ADCY8: variants seen among roughly 807,000 people sequenced by gnomAD.
ADCY8 encodes adenylate cyclase 8, also known as adenylate cyclase type 8.
ADCY8 carries 51 observed loss-of-function variants against 119.7 expected under a neutral mutation model. The observed-to-expected ratio is 0.43, with a 90% confidence interval of 0.34 to 0.54. The LOEUF (loss-of-function observed/expected upper bound fraction) is 0.54. ADCY8 is among the 20% of genes least tolerant of loss of function. The pLI, the probability that ADCY8 is intolerant of heterozygous loss-of-function variation, is 0.03. For synonymous variants in ADCY8, 665 were observed against 651.0 expected (o/e 1.02, Z -0.33); for missense variants, 1,383 against 1,598.8 (o/e 0.87, Z 2.30).
chr8:130,974,693 A>G (rs1822019152), intron 2 of ADCY8, among the ~76,000 whole-genome samples: 1 of 152,208 alleles, frequency 6.6e-6, no homozygotes, highest in Non-Finnish European at 1.5e-5. Context: ...GTGAGGCTGG[A>G]AAGCTAATGA....
At chr8:130,859,526 G>A (rs909398001) in intron 9 of ADCY8, among the ~76,000 whole-genome samples, 1 of 152,156 alleles carries the variant, frequency 6.6e-6, no homozygotes, top group Non-Finnish European at 1.5e-5. Context: ...CATTTTCAAA[G>A]CTACTTAGTA....
At chr8:130,869,450 C>A (rs1167254142) in intron 8 of ADCY8, among the ~76,000 whole-genome samples, 2 of 150,250 alleles carry the variant, frequency 1.3e-5, no homozygotes, top group African/African-American at 2.4e-5. Flanking sequence ...TTCTAACAAC[C>A]AATTACAGAG....
intron 2 of ADCY8, among the ~76,000 whole-genome samples, chr8:130,954,635 C>T (rs1303397286): frequency 6.6e-6 from 1 of 152,200 alleles, no homozygotes; most frequent in East Asian, 1.9e-4. Context: ...TTATACTCAA[C>T]CTTTACTATA....
intron 7 of ADCY8, among the ~76,000 whole-genome samples, chr8:130,902,550 T>C (rs1007568902): frequency 3.9e-5 from 6 of 152,064 alleles, no homozygotes; most frequent in African/African-American, 9.7e-5. Flanking sequence ...TCATAGTTTT[T>C]CCCCCACAGA....
intron 12 of ADCY8, among the ~76,000 whole-genome samples, chr8:130,826,293 A>G (rs1586454125): frequency 6.6e-6 from 1 of 152,202 alleles, no homozygotes; most frequent in East Asian, 1.9e-4. Context: ...TTGTATATAT[A>G]TGAGAGAAAA....
At chr8:131,012,406 A>C (rs4736732) in intron 1 of ADCY8, among the ~76,000 whole-genome samples, 1 of 151,386 alleles carries the variant, frequency 6.6e-6, no homozygotes, top group African/African-American at 2.4e-5. Context: ...AACTGCAGCA[A>C]AAGGGACTGT....
intron 2 of ADCY8, among the ~76,000 whole-genome samples, chr8:130,980,120 C>T (rs1203975227): frequency 2.0e-5 from 3 of 152,124 alleles, no homozygotes; most frequent in African/African-American, 7.2e-5. Flanking sequence ...GCTCCAACCT[C>T]TGCCTCTGTC....
At chr8:131,020,277 G>A (rs1314322224) in intron 1 of ADCY8, among the ~76,000 whole-genome samples, 1 of 152,150 alleles carries the variant, frequency 6.6e-6, no homozygotes, top group East Asian at 1.9e-4. Context: ...ATTAGAAGGG[G>A]GCAAAAGTGG....
intron 5 of ADCY8, among the ~76,000 whole-genome samples, chr8:130,927,163 A>C (rs1820495875): frequency 6.6e-6 from 1 of 152,144 alleles, no homozygotes; most frequent in Non-Finnish European, 1.5e-5. Context: ...GTTTCTGAAG[A>C]ACTGCCACTG....
chr8:131,035,426 A>G (rs1048923901), intron 1 of ADCY8, among the ~76,000 whole-genome samples: 2 of 152,178 alleles, frequency 1.3e-5, no homozygotes, highest in Non-Finnish European at 2.9e-5. Flanking sequence ...CAATGTTTGT[A>G]GTGTGTTAAT....
At chr8:130,938,215 T>G (rs532429954) in intron 4 of ADCY8, among the ~76,000 whole-genome samples, 2 of 152,110 alleles carry the variant, frequency 1.3e-5, no homozygotes, top group Non-Finnish European at 2.9e-5. Flanking sequence ...GCCTCATCTA[T>G]CAAATGGGGA....
chr8:131,017,364 C>T (rs772255856), intron 1 of ADCY8, among the ~76,000 whole-genome samples: 2 of 152,152 alleles, frequency 1.3e-5, no homozygotes, highest in African/African-American at 4.8e-5. Flanking sequence ...GCCACCACAC[C>T]GGGCTGGAAT....
At chr8:130,836,591 CA>C in intron 11 of ADCY8, 142 bp from the exon 12 acceptor site, 1 of 786,436 alleles carries the variant, frequency 1.3e-6, no homozygotes, top group Non-Finnish European at 2.0e-6. Flanking sequence ...CAACAGGTCC[CA>C]AATCAAACTC....
At chr8:131,031,744 T>A (rs1824003616) in intron 1 of ADCY8, among the ~76,000 whole-genome samples, 1 of 152,202 alleles carries the variant, frequency 6.6e-6, no homozygotes, top group Non-Finnish European at 1.5e-5. Flanking sequence ...GTCTTGGAAT[T>A]CCTGGTCTCC....
At chr8:130,852,176 C>A (rs1335301111) in intron 9 of ADCY8, among the ~76,000 whole-genome samples, 2 of 152,266 alleles carry the variant, frequency 1.3e-5, no homozygotes, top group African/African-American at 2.4e-5. Context: ...CCAAGAATGT[C>A]AATTTCCTCT....
intron 5 of ADCY8, among the ~76,000 whole-genome samples, chr8:130,924,429 A>G (rs1050295121): frequency 6.6e-6 from 1 of 152,168 alleles, no homozygotes; most frequent in African/African-American, 2.4e-5. Context: ...TTTGGATGAA[A>G]TGGGGGTTGC....
At chr8:131,019,847 C>G (rs868565629) in intron 1 of ADCY8, among the ~76,000 whole-genome samples, 48 of 146,592 alleles carry the variant, frequency 3.3e-4, no homozygotes, top group South Asian at 2.3e-3. Flanking sequence ...CTGTCTGTCT[C>G]TCTCTCTCTC....
At chr8:130,908,816 C>T (rs116338983) in intron 6 of ADCY8, among the ~76,000 whole-genome samples, 2 of 152,254 alleles carry the variant, frequency 1.3e-5, no homozygotes, top group Admixed American at 6.5e-5. Flanking sequence ...TAGCAAGGGG[C>T]AGAGTGGGAA....
At chr8:131,024,232 T>C (rs1823758740) in intron 1 of ADCY8, among the ~76,000 whole-genome samples, 1 of 152,186 alleles carries the variant, frequency 6.6e-6, no homozygotes, top group East Asian at 1.9e-4. Flanking sequence ...CAGCTTGCTA[T>C]TGCGTGACAT....
Sources: allele counts gnomAD v4.1 joint callset (sites outside exome capture counted in the v4.1 genomes callset), GRCh38; gene constraint gnomAD v4.1.1; transcripts MANE v1.5; gene names NCBI Gene and HGNC (gene_info 2026-07-23, HGNC 2026-07-21).